The following TECR variants were observed in gnomAD, a reference collection of about 807,000 sequenced individuals.
TECR encodes the protein trans-2,3-enoyl-CoA reductase.
A neutral mutation model predicts 50.6 loss-of-function variants in TECR; 19 were observed. The ratio of observed to expected loss-of-function variants is 0.38; its 90% CI spans 0.26 to 0.55. The LOEUF is 0.55. Ranked by LOEUF, TECR falls within the 20% of genes least tolerant of loss-of-function variation. The probability of loss-of-function intolerance (pLI) is 0.79; values close to 1 mark genes in which losing one functional copy is unlikely to be tolerated. For missense variants in TECR, 313 were observed against 408.3 expected (o/e 0.77, Z 2.01); for synonymous variants, 168 against 163.5 (o/e 1.03, Z -0.21).
chr19:14,529,558 G>A, upstream of TECR: 1 of 1,333,468 alleles, frequency 7.5e-7, no homozygotes, highest in Non-Finnish European at 1.1e-6. Context: ...GACGGGGCGC[G>A]CGCGGCCTGG....
At position 14,563,053 on chromosome 19, in the gene TECR, C is replaced by T. The variant is rs896608226; in HGVS notation, c.67-153C>T. On this transcript the variant is annotated intron_variant, in intron 2 of 12. Transcript: ENST00000215567. This position sits in a 1 kb window ranked among gnomAD's most constrained non-coding sequence, Gnocchi z 5.3. ...TGCACTGGCAGGGCCCTCGGTGGTC[C>T]TTCCCTGACTGCAGGCAGAGGCCTG... The T allele has an allele frequency of 3.0e-5, 28 of 938,858 alleles. No individual in the cohort carries two copies. In the African/African-American group the frequency reaches 4.4e-4, roughly 15 times the overall value. 58.2% of individuals were successfully genotyped at this position (938,858 alleles called of 1,614,324 possible).
chr19:14,527,818 C>T (rs900251639), upstream of TECR: 3 of 152,190 alleles, frequency 2.0e-5, no homozygotes, highest in African/African-American at 4.8e-5. Context: ...GATCTGGAAA[C>T]AAGAGTAAGG....
intron 1 of TECR, among the ~76,000 whole-genome samples, chr19:14,538,421 C>T (rs2072980150): frequency 6.6e-6 from 1 of 152,112 alleles, no homozygotes; most frequent in Non-Finnish European, 1.5e-5. Context: ...GGGTAAAAAT[C>T]CTTAAGCGGA....
intron 1 of TECR, among the ~76,000 whole-genome samples, chr19:14,546,543 G>A (rs1437140089): frequency 2.0e-5 from 3 of 152,110 alleles, no homozygotes; most frequent in Admixed American, 6.6e-5. Flanking sequence ...GCAACCTCCT[G>A]CAGAAATTTT....
chr19:14,543,411 ATATATATATTTTTTTTTTTTTTTTTTTT>A (rs1370892628), intron 1 of TECR, among the ~76,000 whole-genome samples: 1 of 9,114 alleles, frequency 1.1e-4, no homozygotes, highest in Non-Finnish European at 2.6e-4. Context: ...ATATATATAT[ATATATATATTTTTTTTTTTTTTTTTTTT>A]TTTTTTTTTT....
intron 1 of TECR, among the ~76,000 whole-genome samples, chr19:14,548,336 C>T (rs2073375631): frequency 6.6e-6 from 1 of 152,096 alleles, no homozygotes; most frequent in African/African-American, 2.4e-5. Flanking sequence ...TTTCCCCACC[C>T]CCTTGGTGGC....
upstream of TECR, chr19:14,529,292 T>A: frequency 2.7e-6 from 1 of 369,436 alleles, no homozygotes; most frequent in Non-Finnish European, 5.2e-6. Flanking sequence ...CCCCCGCGTC[T>A]GGCCTAACCG....
Position 14,563,008 on chromosome 19 carries a change from C to A in TECR, c.67-198C>A. On this transcript the variant is annotated intron_variant, in intron 2 of 12. Transcript: ENST00000215567. The surrounding 1 kb of genome is among the most constrained non-coding windows in gnomAD (Gnocchi z 5.3). Reference sequence around the variant, plus strand: ...CTGCTGGCTGAGGGTAAAAGTGGAGCCCCAGACCCCTGCTGTCACTGCACT... The same window carrying A: ...CTGCTGGCTGAGGGTAAAAGTGGAGACCCAGACCCCTGCTGTCACTGCACT... The A allele has an allele frequency of 1.5e-6, 1 of 650,968 alleles. No individual in the cohort carries two copies. Among genetic ancestry groups the A allele is most frequent in the Non-Finnish European group, 2.6e-6 (1 of 379,316 alleles). The allele number at this position is 650,968 out of a possible 1,614,324, so 40.3% of individuals were successfully genotyped here.
chr19:14,536,155 TC>T (rs1391947079), intron 1 of TECR, among the ~76,000 whole-genome samples: 1 of 152,172 alleles, frequency 6.6e-6, no homozygotes, highest in Non-Finnish European at 1.5e-5. Flanking sequence ...TTGATACTCT[TC>T]CTGGGAAGGT....
chr19:14,561,980 C>T (rs571623043), intron 1 of TECR: 5 of 238,066 alleles, frequency 2.1e-5, no homozygotes, highest in South Asian at 1.3e-4. Context: ...CTGTGCAGGG[C>T]GGGGGCTGGG....
chr19:14,558,952 TG>T (rs922384985), intron 1 of TECR, among the ~76,000 whole-genome samples: 8 of 152,332 alleles, frequency 5.3e-5, no homozygotes, highest in Admixed American at 3.9e-4. Context: ...TGGGAGCCCC[TG>T]CCCCCTGTTG....
Position 14,556,776 on chromosome 19 carries a change from G to A in TECR, c.16-5749G>A, listed in dbSNP as rs117509478. On this transcript the variant is annotated intron_variant, in intron 1 of 12. Transcript: ENST00000215567. The stretch of plus-strand genomic sequence containing the variant: ...TCGGCTTTGGGACTGTTCCTGAGCC[G>A]GCTGCTGCGGGTGCCCTTCCAGCAG... Among the ~76,000 whole-genome samples, 52 of 152,296 alleles carry A rather than the reference G, an allele frequency of 3.4e-4. No homozygotes were observed. In the East Asian group the frequency reaches 7.3e-3, roughly 22 times the overall value.
At position 14,562,424 on chromosome 19, in the gene TECR, G is replaced by C. The variant is rs10407415; in HGVS notation, c.16-101G>C. The C allele has an allele frequency of 1.3e-3, 1,730 of 1,331,692 alleles. 20 individuals carry two copies. In the African/African-American group the frequency reaches 0.022, roughly 17 times the overall value. 82.5% of individuals were successfully genotyped at this position (1,331,692 alleles called of 1,614,324 possible). The stretch of plus-strand genomic sequence containing the variant: ...GACTTGAACTTGAGCTTGTTGGCCC[G>C]GGAGGCCACCCCAGGCCTCCTCCCT... On this transcript the variant is annotated intron_variant, in intron 1 of 12. Transcript: ENST00000215567.
intron 1 of TECR, chr19:14,545,602 C>A (rs554192676): frequency 3.5e-5 from 7 of 200,386 alleles, no homozygotes; most frequent in Non-Finnish European, 7.3e-5. Context: ...GCCTGACTGC[C>A]ATTCATCACT....
intron 1 of TECR, among the ~76,000 whole-genome samples, chr19:14,550,464 C>T (rs117121081): frequency 0.013 from 1,994 of 152,222 alleles, 30 homozygotes; most frequent in Non-Finnish European, 0.02. Context: ...CTGCAGGGCT[C>T]AGCCTCTGGC....
At chr19:14,543,962 T>A (rs1161379590) in intron 1 of TECR, among the ~76,000 whole-genome samples, 1 of 151,486 alleles carries the variant, frequency 6.6e-6, no homozygotes, top group Non-Finnish European at 1.5e-5. Flanking sequence ...GGTCTCGAAC[T>A]CCTGACCTCA....
rs1166046157 is a variant in TECR at position 14,554,394 on chromosome 19, GCCCGGGTCTGC to G, written c.16-8127_16-8117del. On this transcript the variant is annotated intron_variant, in intron 1 of 12. Coordinates refer to ENST00000215567, the MANE Select transcript of TECR (RefSeq NM_138501.6). ...CCCAGAATCCAAGCTTCCCGCTCTG[GCCCGGGTCTGC>G]CCCTCTTCTGGGGCTGAGAGGGCAG... 3.3e-5 allele frequency among the ~76,000 whole-genome samples: 5 copies of G among 152,292 alleles called. No individual in the cohort carries two copies. The East Asian group carries it at 7.7e-4, about 24-fold the overall frequency.
intron 1 of TECR, chr19:14,562,233 G>A (rs148157943): frequency 1.7e-6 from 1 of 602,308 alleles, no homozygotes; most frequent in South Asian, 2.0e-5. Context: ...GCAGTGCCAG[G>A]GCCGGCACGG....
At chr19:14,565,538 G>T in intron 11 of TECR, 80 bp from the exon 12 acceptor site, 2 of 1,552,034 alleles carry the variant, frequency 1.3e-6, no homozygotes, top group South Asian at 2.3e-5. Flanking sequence ...GGGGCGGCGG[G>T]AGGTGGCTGG....
Sources: gnomAD v4.1 joint callset for allele counts (sites outside exome capture counted in the v4.1 genomes callset) on GRCh38, gnomAD v4.1.1 for gene constraint, Gnocchi (gnomAD v3.1) non-coding constraint, MANE v1.5 for transcripts, NCBI Gene and HGNC (gene_info 2026-07-23, HGNC 2026-07-21) for gene names.